SEMA3F: variants seen among roughly 807,000 people sequenced by gnomAD.
The protein encoded by SEMA3F is semaphorin-3F.
Under a neutral mutation model 98.5 loss-of-function variants are expected in SEMA3F, and 30 were observed. That is an observed-to-expected ratio of 0.30 (90% confidence interval 0.23 to 0.41). The LOEUF (loss-of-function observed/expected upper bound fraction) is 0.41. SEMA3F is among the 10% of genes least tolerant of loss of function. The probability of loss-of-function intolerance (pLI) is 1.00; values close to 1 mark genes in which losing one functional copy is unlikely to be tolerated. For missense variants in SEMA3F, 866 were observed against 1,119.3 expected (o/e 0.77, Z 3.23); for synonymous variants, 380 against 444.8 (o/e 0.85, Z 1.83).
intron 2 of SEMA3F, among the ~76,000 whole-genome samples, chr3:50,160,529 G>A (rs1262219165): frequency 1.3e-5 from 2 of 152,264 alleles, no homozygotes; most frequent in African/African-American, 4.8e-5. Context: ...TCAAGGGTGT[G>A]TGTGGTCTGA....
intron 17 of SEMA3F, 118 bp downstream of exon 17, chr3:50,186,466 G>A: frequency 2.1e-6 from 3 of 1,400,664 alleles, no homozygotes; most frequent in South Asian, 2.5e-5. Context: ...TGGAGGGTGG[G>A]GGCTAATGGA....
In SEMA3F at chr3:50,185,706, G is replaced by A. The variant is rs753936938; in HGVS notation, c.1586G>A (p.Arg529Lys). The change falls in exon 15 of 19, where the codon AGG becomes AAG. Residue 529 changes from arginine to lysine, a missense_variant and splice_region_variant. Arg to Lys is a conservative substitution (Grantham distance 26, BLOSUM62 2). Coordinates refer to ENST00000002829, the MANE Select transcript of SEMA3F (RefSeq NM_004186.5). ...AAGACCATGACCATCTCTTCTAAGA[G>A]GGTAAGCCTTTGGCGAGGTGAGCCA... Reference protein sequence around the residue: ...PVKTMTISSKRQQLYVASAVG... With the variant: ...PVKTMTISSKKQQLYVASAVG... 1 of 1,614,188 alleles carries A rather than the reference G, an allele frequency of 6.2e-7. No individual in the cohort carries two copies. Among genetic ancestry groups the A allele is most frequent in the Admixed American group, 1.7e-5 (1 of 60,028 alleles).
chr3:50,162,281 A>G (rs746226529), intron 2 of SEMA3F, among the ~76,000 whole-genome samples: 3 of 152,204 alleles, frequency 2.0e-5, no homozygotes, highest in Non-Finnish European at 2.9e-5. Flanking sequence ...CTGCCCGCCC[A>G]TCCGCCTGGG....
At position 50,188,038 on chromosome 3, in the gene SEMA3F, C is replaced by G; in HGVS notation, c.2281C>G (p.Pro761Ala). 6.3e-7 allele frequency: 1 copy of G among 1,593,922 alleles called. No homozygotes were observed. Among genetic ancestry groups the G allele is most frequent in the Non-Finnish European group, 8.5e-7 (1 of 1,170,418 alleles). ...TGTGCCCCCCAGCCCCAGGGAGGCTCCAGGGGCACCCCGGTCTCCTGAGCC... is the reference window on the plus strand; with the variant it reads ...TGTGCCCCCCAGCCCCAGGGAGGCTGCAGGGGCACCCCGGTCTCCTGAGCC... ...RHVPPSPREA[P>A]GAPRSPEPQD... Residue 761 changes from proline (P) to alanine (A), a missense_variant, in exon 19 of 19, where the codon CCA becomes GCA. Physicochemically the swap from Pro to Ala is conservative, Grantham distance 27. Around this residue, in one of 3 missense-constraint regions of SEMA3F, gnomAD observed 245 missense variants for 260.5 expected, o/e 0.94. Coordinates refer to ENST00000002829, the MANE Select transcript of SEMA3F (RefSeq NM_004186.5). This position sits in a 1 kb window ranked among gnomAD's most constrained non-coding sequence, Gnocchi z 4.5.
chr3:50,186,245 C>T (rs1481422374), intron 16 of SEMA3F, 36 bp from the exon 17 acceptor site: 1 of 1,606,310 alleles, frequency 6.2e-7, no homozygotes, highest in Non-Finnish European at 8.5e-7. Flanking sequence ...GGGCAAGCTT[C>T]CTGGGAGCAC....
chr3:50,188,174 GATATATATAT>G lies in SEMA3F; in HGVS notation c.*75_*84del, dbSNP rs59949761. ...AGCCCTTGTCCCTTTTAATATAAAA[GATATATATAT>G]ATATATATATATATAAAATATCTAT... On this transcript the variant is annotated 3_prime_UTR_variant, in exon 19 of 19. Coordinates refer to ENST00000002829, the MANE Select transcript of SEMA3F (RefSeq NM_004186.5). This position sits in a 1 kb window ranked among gnomAD's most constrained non-coding sequence, Gnocchi z 4.5. The G allele has an allele frequency of 1.3e-4, 40 of 299,252 alleles. 1 individual carries two copies. The highest frequency in any genetic ancestry group is 1.7e-4 in the Non-Finnish European group (31 of 180,790). The allele number at this position is 299,252 out of a possible 1,614,324, so 18.5% of individuals were successfully genotyped here. A position where few individuals can be genotyped will look rare whatever the true frequency, so the allele number is the denominator to read the frequency against.
At chr3:50,183,061 G>C in intron 10 of SEMA3F, 43 bp downstream of exon 10, 1 of 1,589,170 alleles carries the variant, frequency 6.3e-7, no homozygotes, top group Non-Finnish European at 8.6e-7. Context: ...GCTACAGCAA[G>C]AGGGATAGAG....
At chr3:50,173,516 C>T (rs1259445750) in intron 2 of SEMA3F, 18 of 425,170 alleles carry the variant, frequency 4.2e-5, no homozygotes, top group Non-Finnish European at 5.1e-5. Flanking sequence ...GTGGCTGACG[C>T]CTGTAATCCC....
In SEMA3F at chr3:50,174,222, T is replaced by C; in HGVS notation, c.337-9T>C. The C allele has an allele frequency of 1.2e-6, 2 of 1,613,690 alleles. No individual in the cohort carries two copies. Among genetic ancestry groups the C allele is most frequent in the East Asian group, 2.2e-5 (1 of 44,872 alleles). On this transcript the variant is annotated splice_polypyrimidine_tract_variant and intron_variant, in intron 4 of 18. Coordinates refer to ENST00000002829, the MANE Select transcript of SEMA3F (RefSeq NM_004186.5). ...CAGGGCACCTATGCAGCCTTCCCTG[T>C]GGCCCCAGGGCGAGTGTGGGAACTT...
intron 7 of SEMA3F, among the ~76,000 whole-genome samples, chr3:50,180,185 T>C (rs1021212323): frequency 1.3e-5 from 2 of 152,156 alleles, no homozygotes; most frequent in Non-Finnish European, 2.9e-5. Context: ...AGTTACACTC[T>C]GTCCCCCAGG....
At chr3:50,187,658 A>G (rs750702380) in intron 18 of SEMA3F, 47 bp from the exon 19 acceptor site, 4 of 1,527,156 alleles carry the variant, frequency 2.6e-6, no homozygotes, top group South Asian at 2.5e-5. Context: ...GGCTAGGGCC[A>G]TAGGGTGGTC....
chr3:50,188,379 A>C lies in SEMA3F; in HGVS notation c.*264A>C. 1 of 158,046 alleles carries C rather than the reference A, an allele frequency of 6.3e-6. No individual in the cohort carries two copies. The highest frequency in any genetic ancestry group is 1.4e-5 in the Non-Finnish European group (1 of 72,376). 9.8% of individuals were successfully genotyped at this position (158,046 alleles called of 1,614,324 possible). A position where few individuals can be genotyped will look rare whatever the true frequency, so the allele number is the denominator to read the frequency against. On this transcript the variant is annotated 3_prime_UTR_variant, in exon 19 of 19. Coordinates refer to ENST00000002829, the MANE Select transcript of SEMA3F (RefSeq NM_004186.5). This position sits in a 1 kb window ranked among gnomAD's most constrained non-coding sequence, Gnocchi z 4.5. ...GTTGGTGGGGCCAGGCCAGGACCAC[A>C]CAGTCCCCAGACTCAGCTGGAAGTC...
At position 50,188,198 on chromosome 3, in the gene SEMA3F, T is replaced by TAA. The variant is rs1553695490; in HGVS notation, c.*86_*87dup. ...AGATATATATATATATATATATATA[T>TAA]AAAATATCTATATTCTATACACACC... On this transcript the variant is annotated 3_prime_UTR_variant, in exon 19 of 19. Coordinates refer to ENST00000002829, the MANE Select transcript of SEMA3F (RefSeq NM_004186.5). The surrounding 1 kb of genome is among the most constrained non-coding windows in gnomAD (Gnocchi z 4.5). 387 of 454,332 alleles carry TAA rather than the reference T, an allele frequency of 8.5e-4. 2 individuals carry two copies. In the South Asian group the frequency reaches 9.6e-3, roughly 11 times the overall value. 28.1% of individuals were successfully genotyped at this position (454,332 alleles called of 1,614,324 possible).
chr3:50,187,044 A>G (rs536402249), intron 18 of SEMA3F, among the ~76,000 whole-genome samples: 9 of 152,262 alleles, frequency 5.9e-5, no homozygotes, highest in East Asian at 1.9e-4. Context: ...TGGAAATTCT[A>G]TGGGGCCCTC....
At chr3:50,170,372 T>C (rs1182272282) in intron 2 of SEMA3F, among the ~76,000 whole-genome samples, 2 of 152,008 alleles carry the variant, frequency 1.3e-5, no homozygotes, top group Non-Finnish European at 2.9e-5. Context: ...CTTATAGCCC[T>C]CTCTGCTCCC....
At chr3:50,177,243 TGA>T (rs994556257) in intron 7 of SEMA3F, among the ~76,000 whole-genome samples, 1 of 152,182 alleles carries the variant, frequency 6.6e-6, no homozygotes, top group Non-Finnish European at 1.5e-5. Context: ...TTGGTGTGTC[TGA>T]GAGGCTGGGA....
In SEMA3F at chr3:50,188,193, A is replaced by T; in HGVS notation, c.*78A>T. On this transcript the variant is annotated 3_prime_UTR_variant, in exon 19 of 19. Coordinates refer to ENST00000002829, the MANE Select transcript of SEMA3F (RefSeq NM_004186.5). The surrounding 1 kb of genome is among the most constrained non-coding windows in gnomAD (Gnocchi z 4.5). Reference sequence around the variant, plus strand: ...ATAAAAGATATATATATATATATATATATATAAAATATCTATATTCTATAC... The same window carrying T: ...ATAAAAGATATATATATATATATATTTATATAAAATATCTATATTCTATAC... The T allele has an allele frequency of 2.2e-6, 1 of 458,252 alleles. No individual in the cohort carries two copies. Among genetic ancestry groups the T allele is most frequent in the Non-Finnish European group, 3.2e-6 (1 of 308,854 alleles). The allele number at this position is 458,252 out of a possible 1,614,324, so 28.4% of individuals were successfully genotyped here. A position where few individuals can be genotyped will look rare whatever the true frequency, so the allele number is the denominator to read the frequency against.
intron 2 of SEMA3F, among the ~76,000 whole-genome samples, chr3:50,170,686 G>A (rs1371514451): frequency 1.3e-5 from 2 of 152,068 alleles, no homozygotes; most frequent in Non-Finnish European, 2.9e-5. Flanking sequence ...GAGAGCGAGA[G>A]TGCCCCCAAC....
rs149131307 is a variant in SEMA3F, at chr3:50,174,249, G to A, written c.355G>A (p.Val119Ile). ...GCCCCAGGGCGAGTGTGGGAACTTC[G>A]TCAGGCTCATCCAGCCCTGGAACCG... Reference protein sequence around the residue: ...KDVNGECGNFVRLIQPWNRTH... With the variant: ...KDVNGECGNFIRLIQPWNRTH... The change falls in exon 5 of 19, where the codon GTC (valine) becomes ATC (isoleucine). Residue 119 changes from valine (V) to isoleucine (I), a missense_variant. By Grantham distance (29) the Val-to-Ile change is conservative. Coordinates refer to ENST00000002829, the MANE Select transcript of SEMA3F (RefSeq NM_004186.5). 2.8e-5 allele frequency: 45 copies of A among 1,613,766 alleles called. No homozygotes were observed. The highest frequency in any genetic ancestry group is 1.9e-4 in the African/African-American group (14 of 75,052).
Sources: gnomAD v4.1 joint callset for allele counts (sites outside exome capture counted in the v4.1 genomes callset) on GRCh38, gnomAD v4.1.1 for gene constraint, gnomAD v4.1.1 regional missense constraint, Gnocchi (gnomAD v3.1) non-coding constraint, MANE v1.5 for transcripts, NCBI Gene and HGNC (gene_info 2026-07-23, HGNC 2026-07-21) for gene names.